The following STAC variants were observed in gnomAD, a reference collection of about 807,000 sequenced individuals.
The protein encoded by STAC is SH3 and cysteine rich domain.
A neutral mutation model predicts 48.8 loss-of-function variants in STAC; 43 were observed. The observed-to-expected ratio is 0.88, with a 90% CI of 0.69 to 1.14. The LOEUF is 1.14. Ranked by LOEUF, STAC falls within the 50% of genes most tolerant of loss-of-function variation. The pLI is 0.00. For synonymous variants in STAC, 193 were observed against 179.5 expected (o/e 1.07, Z -0.60); for missense variants, 497 against 504.0 (o/e 0.99, Z 0.13).
chr3:36,492,483 G>C (rs1488335340), intron 5 of STAC, among the ~76,000 whole-genome samples: 1 of 152,144 alleles, frequency 6.6e-6, no homozygotes, highest in Non-Finnish European at 1.5e-5. Context: ...TCTATCATAG[G>C]ATTAATTTGG....
intron 10 of STAC, among the ~76,000 whole-genome samples, chr3:36,542,295 C>T (rs1699347536): frequency 6.6e-6 from 1 of 152,170 alleles, no homozygotes. Flanking sequence ...ATCCCATTCT[C>T]CTTGTCGGTG....
chr3:36,501,078 C>G (rs985459221), intron 6 of STAC, among the ~76,000 whole-genome samples: 30 of 152,074 alleles, frequency 2.0e-4, no homozygotes, highest in Non-Finnish European at 1.0e-4. Flanking sequence ...GGCGACAGAA[C>G]AAGACCTTGT....
chr3:36,533,549 T>C (rs1404808812), intron 10 of STAC, among the ~76,000 whole-genome samples: 1 of 150,578 alleles, frequency 6.6e-6, no homozygotes, highest in African/African-American at 2.4e-5. Flanking sequence ...ATTGTTTTTA[T>C]GTTATTAAAA....
At chr3:36,526,659 G>T (rs377373621) in intron 8 of STAC, among the ~76,000 whole-genome samples, 1 of 152,030 alleles carries the variant, frequency 6.6e-6, no homozygotes, top group African/African-American at 2.4e-5. Context: ...TCATAGCACC[G>T]CATTACTACT....
rs73830331 is a variant in STAC at position 36,422,450 on chromosome 3, A to G, written c.112-20914A>G. 4.1e-3 allele frequency among the ~76,000 whole-genome samples: 617 copies of G among 152,270 alleles called. 5 individuals are homozygous for G. Among genetic ancestry groups the G allele is most frequent in the African/African-American group, 0.013 (543 of 41,556 alleles). On this transcript the variant is annotated intron_variant, in intron 1 of 10. Transcript: ENST00000273183. ...CATTGTCAGCCTTAGCATCACCATT[A>G]ATAAATATAACTTCATAAAAATTTT...
chr3:36,503,844 A>G (rs1698335745), intron 6 of STAC, among the ~76,000 whole-genome samples: 1 of 152,226 alleles, frequency 6.6e-6, no homozygotes, highest in South Asian at 2.1e-4. Context: ...GAAAAACCAA[A>G]TAGTAGCCCC....
At chr3:36,406,928 G>T (rs140513042) in intron 1 of STAC, among the ~76,000 whole-genome samples, 1 of 152,326 alleles carries the variant, frequency 6.6e-6, no homozygotes, top group East Asian at 1.9e-4. Context: ...ATGGATGAAT[G>T]AATCACATGG....
chr3:36,434,413 C>G (rs936496681), intron 1 of STAC, among the ~76,000 whole-genome samples: 1 of 152,116 alleles, frequency 6.6e-6, no homozygotes, highest in African/African-American at 2.4e-5. Flanking sequence ...ATTTAAAAAT[C>G]AAAGATGTAG....
At chr3:36,483,149 T>C in intron 3 of STAC, 57 bp downstream of exon 3, 1 of 1,329,314 alleles carries the variant, frequency 7.5e-7, no homozygotes, top group Non-Finnish European at 1.1e-6. Context: ...ACTTGCCTGC[T>C]GCAGTGAGAT....
chr3:36,535,878 T>C (rs1490317959), intron 10 of STAC, among the ~76,000 whole-genome samples: 1 of 152,224 alleles, frequency 6.6e-6, no homozygotes, highest in Non-Finnish European at 1.5e-5. Context: ...GCCAGTATTT[T>C]ACCAAGGATT....
chr3:36,411,557 G>A (rs868830109), intron 1 of STAC, among the ~76,000 whole-genome samples: 4 of 152,152 alleles, frequency 2.6e-5, no homozygotes, highest in Admixed American at 6.5e-5. Flanking sequence ...TAAAAGAAGT[G>A]CTCAGGAAAG....
In STAC at chr3:36,486,369, A is replaced by G. The variant is rs1328725129; in HGVS notation, c.687+120A>G. The G allele has an allele frequency of 1.3e-5, 10 of 792,636 alleles. No individual in the cohort carries two copies. In the East Asian group the frequency reaches 2.3e-4, roughly 18 times the overall value. The allele number at this position is 792,636 out of a possible 1,614,324, so 49.1% of individuals were successfully genotyped here. A position where few individuals can be genotyped will look rare whatever the true frequency, so the allele number is the denominator to read the frequency against. ...CATGAGGGCAGGTCTGCAGGGAGTCAGGCACCTGCCAAAGAGAAACCCAAA... is the reference window on the plus strand; with the variant it reads ...CATGAGGGCAGGTCTGCAGGGAGTCGGGCACCTGCCAAAGAGAAACCCAAA... On this transcript the variant is annotated intron_variant, in intron 5 of 10. Coordinates refer to ENST00000273183, the MANE Select transcript of STAC (RefSeq NM_003149.3).
At chr3:36,442,739 TACACACACAC>T (rs10528748) in intron 1 of STAC, among the ~76,000 whole-genome samples, 7,324 of 133,060 alleles carry the variant, frequency 0.055, 266 homozygotes, top group Admixed American at 0.12. Context: ...TCCTATGTCC[TACACACACAC>T]ACACACACAC....
intron 1 of STAC, among the ~76,000 whole-genome samples, chr3:36,398,559 GGGAAGGAAGGAAGGAAGGAA>G (rs71085123): frequency 9.7e-5 from 3 of 30,964 alleles, no homozygotes; most frequent in Non-Finnish European, 1.7e-4. Context: ...GAAAGAGAGA[GGGAAGGAAGGAAGGAAGGAA>G]GGAAGGAAGG....
chr3:36,494,259 A>G (rs1237930564), intron 6 of STAC, among the ~76,000 whole-genome samples: 1 of 152,202 alleles, frequency 6.6e-6, no homozygotes, highest in East Asian at 1.9e-4. Flanking sequence ...TTGGACATCA[A>G]TAACTACTTA....
chr3:36,513,854 G>C (rs1055196522), intron 8 of STAC, among the ~76,000 whole-genome samples: 5 of 152,020 alleles, frequency 3.3e-5, no homozygotes, highest in Admixed American at 1.3e-4. Context: ...GCAAAAGGGG[G>C]GGAGGGGAGA....
At chr3:36,463,419 C>T (rs571280263) in intron 2 of STAC, among the ~76,000 whole-genome samples, 1 of 152,088 alleles carries the variant, frequency 6.6e-6, no homozygotes, top group Admixed American at 6.6e-5. Context: ...CTCTAAAATC[C>T]ATCCAAAATC....
At chr3:36,504,362 T>G in intron 6 of STAC, 31 bp from the exon 7 acceptor site, 1 of 1,598,244 alleles carries the variant, frequency 6.3e-7, no homozygotes, top group Non-Finnish European at 8.6e-7. Context: ...ACTAGATTCA[T>G]AGAGCACCTG....
chr3:36,441,709 C>T (rs1339387121), intron 1 of STAC, among the ~76,000 whole-genome samples: 1 of 152,202 alleles, frequency 6.6e-6, no homozygotes, highest in Non-Finnish European at 1.5e-5. Context: ...TACATTCCCA[C>T]AAACAAAATG....
Sources: allele counts gnomAD v4.1 joint callset (sites outside exome capture counted in the v4.1 genomes callset), GRCh38; gene constraint gnomAD v4.1.1; transcripts MANE v1.5; gene names NCBI Gene and HGNC (gene_info 2026-07-23, HGNC 2026-07-21).